SFI1: variants seen among roughly 807,000 people sequenced by gnomAD.
SFI1 encodes SFI1 centrin binding protein.
A neutral mutation model predicts 207.5 loss-of-function variants in SFI1; 195 were observed. That is an observed-to-expected ratio of 0.94 (90% CI 0.84 to 1.06). The LOEUF is 1.06. SFI1 is among the 50% of genes least tolerant of loss of function. The pLI, the probability that SFI1 is intolerant of heterozygous loss-of-function variation, is 0.00. For synonymous variants in SFI1, 630 were observed against 598.9 expected (o/e 1.05, Z -0.76); for missense variants, 1,634 against 1,588.0 (o/e 1.03, Z -0.49).
chr22:31,510,219 G>A (rs1268005545), intron 2 of SFI1, among the ~76,000 whole-genome samples: 1 of 151,974 alleles, frequency 6.6e-6, no homozygotes, highest in Non-Finnish European at 1.5e-5. Context: ...TTTAGAGACA[G>A]GGTCTTGCTC....
intron 15 of SFI1, among the ~76,000 whole-genome samples, chr22:31,599,528 T>C (rs994288369): frequency 2.0e-5 from 3 of 152,148 alleles, no homozygotes; most frequent in African/African-American, 7.2e-5. Context: ...GGTTTCACCA[T>C]GTTGGGTTGG....
intron 7 of SFI1, among the ~76,000 whole-genome samples, chr22:31,560,992 C>T (rs541359272): frequency 2.6e-5 from 4 of 152,238 alleles, no homozygotes; most frequent in Admixed American, 6.5e-5. Flanking sequence ...TGTAAGCCAC[C>T]GTACCAGGCC....
chr22:31,548,410 AAAAAC>A (rs926795875), intron 5 of SFI1, among the ~76,000 whole-genome samples: 33 of 151,800 alleles, frequency 2.2e-4, no homozygotes, highest in Non-Finnish European at 3.5e-4. Context: ...GTCTCTATTA[AAAAAC>A]AAAACAAAAC....
chr22:31,606,191 G>T, intron 20 of SFI1, 137 bp from the exon 21 acceptor site: 1 of 724,396 alleles, frequency 1.4e-6, no homozygotes, highest in Non-Finnish European at 2.3e-6. Context: ...GTAAACATAG[G>T]TGTTGGTGAA....
chr22:31,579,064 A>G (rs1009254897), intron 11 of SFI1, among the ~76,000 whole-genome samples: 1 of 152,090 alleles, frequency 6.6e-6, no homozygotes, highest in African/African-American at 2.4e-5. Flanking sequence ...GGCTCAAGCA[A>G]TCCTCCCACC....
chr22:31,509,076 G>T (rs2055105682), intron 2 of SFI1, among the ~76,000 whole-genome samples: 1 of 152,116 alleles, frequency 6.6e-6, no homozygotes. Flanking sequence ...ATTAATAGGT[G>T]TATTACATAA....
intron 15 of SFI1, among the ~76,000 whole-genome samples, chr22:31,599,815 GC>G (rs2067812856): frequency 6.6e-6 from 1 of 151,612 alleles, no homozygotes; most frequent in South Asian, 2.1e-4. Flanking sequence ...CATGTTTAGT[GC>G]AAGAACATGA....
At chr22:31,536,341 G>C (rs1489826990) in intron 4 of SFI1, among the ~76,000 whole-genome samples, 5 of 152,200 alleles carry the variant, frequency 3.3e-5, no homozygotes, top group Non-Finnish European at 7.3e-5. Flanking sequence ...AGGTTCCTCA[G>C]ATGCTACTCG....
At chr22:31,571,224 C>CT (rs1177815320) in intron 8 of SFI1, among the ~76,000 whole-genome samples, 4 of 152,176 alleles carry the variant, frequency 2.6e-5, no homozygotes, top group African/African-American at 9.7e-5. Context: ...TCCCCAACAA[C>CT]TTTTTATTAC....
intron 6 of SFI1, among the ~76,000 whole-genome samples, chr22:31,553,976 C>T (rs932204955): frequency 6.8e-6 from 1 of 145,992 alleles, no homozygotes; most frequent in South Asian, 2.2e-4. Context: ...GCTGGGACTA[C>T]AGACAATGCC....
chr22:31,584,424 T>C (rs946500773), intron 13 of SFI1, among the ~76,000 whole-genome samples: 1 of 152,016 alleles, frequency 6.6e-6, no homozygotes. Context: ...GGGTGGAAAG[T>C]ATAAAGGGAA....
At chr22:31,596,353 G>A (rs1052828698) in intron 15 of SFI1, among the ~76,000 whole-genome samples, 4 of 152,130 alleles carry the variant, frequency 2.6e-5, no homozygotes, top group Admixed American at 1.3e-4. Flanking sequence ...TCCTTAGTAC[G>A]AAGTCCAGGG....
chr22:31,523,855 A>C (rs1274429829), intron 2 of SFI1, among the ~76,000 whole-genome samples: 1 of 152,006 alleles, frequency 6.6e-6, no homozygotes, highest in Non-Finnish European at 1.5e-5. Flanking sequence ...TCTACTCTTT[A>C]ATTGGCAATT....
At chr22:31,524,007 G>C (rs950527973) in intron 2 of SFI1, among the ~76,000 whole-genome samples, 4 of 145,336 alleles carry the variant, frequency 2.8e-5, no homozygotes, top group African/African-American at 1.0e-4. Context: ...TTCGAGACTA[G>C]CCTGGCCAAT....
intron 1 of SFI1, among the ~76,000 whole-genome samples, chr22:31,500,336 T>TCAC (rs993613860): frequency 6.0e-5 from 9 of 149,200 alleles, no homozygotes; most frequent in Non-Finnish European, 1.0e-4. Flanking sequence ...CCTTCAGCAA[T>TCAC]CACTACCCTG....
chr22:31,551,631 A>T (rs1321302010), intron 6 of SFI1, among the ~76,000 whole-genome samples: 1 of 152,180 alleles, frequency 6.6e-6, no homozygotes, highest in African/African-American at 2.4e-5. Context: ...GGCTTTTGCC[A>T]TGTTGCCCAG....
intron 13 of SFI1, 38 bp downstream of exon 13, chr22:31,584,010 T>G (rs1418130651): frequency 6.6e-7 from 1 of 1,526,410 alleles, no homozygotes; most frequent in Non-Finnish European, 9.1e-7. Flanking sequence ...CTCAGGGACT[T>G]TGTGCCTCTG....
Position 31,602,797 on chromosome 22 carries a change from G to C in SFI1, c.1805+12G>C. The C allele has an allele frequency of 4.3e-6, 7 of 1,611,196 alleles. No individual in the cohort carries two copies. Among genetic ancestry groups the C allele is most frequent in the South Asian group, 1.1e-5 (1 of 90,918 alleles). On this transcript the variant is annotated intron_variant, in intron 17 of 32. Transcript: ENST00000400288. ...GGGCTCAGAACAGAGTGAGTGGCCA[G>C]TTCTGCCTTACAAGCCTTTCCATCA...
chr22:31,508,729 C>T (rs1014490137), intron 2 of SFI1, among the ~76,000 whole-genome samples: 1 of 152,128 alleles, frequency 6.6e-6, no homozygotes, highest in Non-Finnish European at 1.5e-5. Context: ...CTTCAGTTGA[C>T]TGTATCTCTC....
Sources: gnomAD v4.1 joint callset for allele counts (sites outside exome capture counted in the v4.1 genomes callset) on GRCh38, gnomAD v4.1.1 for gene constraint, MANE v1.5 for transcripts, NCBI Gene and HGNC (gene_info 2026-07-23, HGNC 2026-07-21) for gene names.